The following NRG1 variants were observed in gnomAD, a reference collection of about 807,000 sequenced individuals.
NRG1 encodes the protein pro-neuregulin-1, membrane-bound isoform.
Under a neutral mutation model 63.8 loss-of-function variants are expected in NRG1, and 18 were observed. That is an observed-to-expected ratio of 0.28 (90% CI 0.19 to 0.42). The LOEUF is 0.42. NRG1 is among the 10% of genes least tolerant of loss of function. The pLI is 1.00. For synonymous variants in NRG1, 302 were observed against 301.3 expected, an observed-to-expected ratio of 1.00 and a Z score of -0.02; for missense variants, 762 against 814.7, an observed-to-expected ratio of 0.94 and a Z score of 0.79.
chr8:32,456,855 C>T (rs1821656772), intron 1 of NRG1, among the ~76,000 whole-genome samples: 4 of 151,998 alleles, frequency 2.6e-5, no homozygotes, highest in African/African-American at 9.7e-5. Flanking sequence ...ATCTCCTGGC[C>T]GGGCGTAGAC....
chr8:32,083,388 A>G (rs1177051709), intron 1 of NRG1, among the ~76,000 whole-genome samples: 1 of 152,234 alleles, frequency 6.6e-6, no homozygotes, highest in Non-Finnish European at 1.5e-5. Flanking sequence ...CCAAAGAGTT[A>G]GAGATTGTGT....
chr8:32,706,951 A>C (rs773327487), intron 5 of NRG1, among the ~76,000 whole-genome samples: 5 of 152,102 alleles, frequency 3.3e-5, no homozygotes, highest in Non-Finnish European at 7.4e-5. Context: ...GAGTTAATAT[A>C]ATTCAAATTA....
At chr8:32,703,633 T>G (rs903050671) in intron 5 of NRG1, among the ~76,000 whole-genome samples, 6 of 152,098 alleles carry the variant, frequency 3.9e-5, no homozygotes, top group Non-Finnish European at 8.8e-5. Flanking sequence ...AGAAACCTGT[T>G]GTATTCTTAC....
chr8:32,354,530 T>C (rs1262515919), intron 1 of NRG1, among the ~76,000 whole-genome samples: 1 of 152,070 alleles, frequency 6.6e-6, no homozygotes, highest in Non-Finnish European at 1.5e-5. Flanking sequence ...TAGATGTGTT[T>C]ATTACTGGGA....
chr8:32,467,042 A>C (rs1823156747), intron 1 of NRG1, among the ~76,000 whole-genome samples: 1 of 152,134 alleles, frequency 6.6e-6, no homozygotes, highest in African/African-American at 2.4e-5. Flanking sequence ...TTAGCTTTAC[A>C]ATCCTCCCCT....
chr8:31,685,025 T>A (rs549247245), intron 1 of NRG1, among the ~76,000 whole-genome samples: 1 of 152,198 alleles, frequency 6.6e-6, no homozygotes, highest in Admixed American at 6.6e-5. Context: ...CCTACGTATT[T>A]TCATTCTAAA....
At chr8:32,068,690 G>C (rs1015500740) in intron 1 of NRG1, among the ~76,000 whole-genome samples, 2 of 152,164 alleles carry the variant, frequency 1.3e-5, no homozygotes, top group Non-Finnish European at 1.5e-5. Flanking sequence ...CTGCCCTCAA[G>C]CCCCTTGTTA....
At chr8:31,837,582 C>T (rs2129607211) in intron 1 of NRG1, among the ~76,000 whole-genome samples, 1 of 152,090 alleles carries the variant, frequency 6.6e-6, no homozygotes, top group Non-Finnish European at 1.5e-5. Flanking sequence ...AGTACTAGAA[C>T]TTATTCCTTT....
At position 31,752,949 on chromosome 8, in the gene NRG1, C is replaced by G. The variant is rs16878248; in HGVS notation, c.37+113518C>G. On this transcript the variant is annotated intron_variant, in intron 1 of 10. Coordinates refer to the NRG1 transcript ENST00000519301. Reference sequence around the variant, plus strand: ...AAACCAGTATTCTGATTTGTTGGGCCACCTACTGTGTTTTATTCTTGGCTT... The same window carrying G: ...AAACCAGTATTCTGATTTGTTGGGCGACCTACTGTGTTTTATTCTTGGCTT... 7.9e-3 allele frequency among the ~76,000 whole-genome samples: 1,194 copies of G among 151,972 alleles called. 10 individuals are homozygous for G. Among genetic ancestry groups the G allele is most frequent in the African/African-American group, 0.027 (1,133 of 41,466 alleles).
chr8:31,984,529 C>G (rs1347229628), intron 1 of NRG1, among the ~76,000 whole-genome samples: 1 of 151,986 alleles, frequency 6.6e-6, no homozygotes, highest in Non-Finnish European at 1.5e-5. Flanking sequence ...CAATTTTGGT[C>G]AGGAAATGAG....
chr8:32,199,728 T>G (rs1266854654), intron 1 of NRG1, among the ~76,000 whole-genome samples: 1 of 152,216 alleles, frequency 6.6e-6, no homozygotes, highest in African/African-American at 2.4e-5. Context: ...TACTTAGATA[T>G]TCTTTTATTA....
At chr8:31,972,735 C>T (rs1490731704) in intron 1 of NRG1, among the ~76,000 whole-genome samples, 2 of 152,086 alleles carry the variant, frequency 1.3e-5, no homozygotes, top group African/African-American at 4.8e-5. Context: ...CAAATGAATA[C>T]AGGAATGGAC....
At chr8:32,755,991 C>T (rs1163395496) in intron 8 of NRG1, among the ~76,000 whole-genome samples, 4 of 152,140 alleles carry the variant, frequency 2.6e-5, no homozygotes, top group Non-Finnish European at 5.9e-5. Context: ...ATTCTCTTGC[C>T]TTTGCCTCCG....
At chr8:31,892,784 C>T (rs16878405) in intron 1 of NRG1, among the ~76,000 whole-genome samples, 8,925 of 152,008 alleles carry the variant, frequency 0.059, 323 homozygotes, top group Admixed American at 0.12. Flanking sequence ...CTGTAAAACA[C>T]AAGGCACGTG....
Position 32,406,655 on chromosome 8 carries a change from C to T in NRG1, c.38-189173C>T, listed in dbSNP as rs59782259. Among the ~76,000 whole-genome samples the T allele has an allele frequency of 6.4e-3, 966 of 152,076 alleles. 12 individuals carry two copies. The highest frequency in any genetic ancestry group is 0.022 in the African/African-American group (927 of 41,498). On this transcript the variant is annotated intron_variant, in intron 1 of 10. Transcript: ENST00000519301. ...GGAATCTGATTTTGATGTCTCCTAC[C>T]CAAAGTTTATTCATATTTAATATTA...
intron 1 of NRG1, among the ~76,000 whole-genome samples, chr8:31,947,944 CAAAAAAAAA>C (rs55953491): frequency 1.8e-4 from 6 of 32,956 alleles, no homozygotes; most frequent in African/African-American, 4.3e-4. Flanking sequence ...GACTCCATCT[CAAAAAAAAA>C]AAAAAAAAAA....
At chr8:32,044,913 C>CAAGAAAAAAAAAAA (rs1820706781) in intron 1 of NRG1, among the ~76,000 whole-genome samples, 1 of 57,120 alleles carries the variant, frequency 1.8e-5, no homozygotes, top group East Asian at 3.6e-4. Context: ...TAAAGAAAAG[C>CAAGAAAAAAAAAAA]AAAAAAAAAA....
chr8:32,738,695 C>T (rs1825693613), intron 6 of NRG1, among the ~76,000 whole-genome samples: 1 of 152,218 alleles, frequency 6.6e-6, no homozygotes, highest in Non-Finnish European at 1.5e-5. Context: ...CAGAATTTCA[C>T]AGAGCTTATA....
intron 1 of NRG1, among the ~76,000 whole-genome samples, chr8:32,469,261 A>G (rs2129490231): frequency 6.6e-6 from 1 of 152,338 alleles, no homozygotes; most frequent in Admixed American, 6.5e-5. Context: ...TGTTTAGTAC[A>G]TGTACAGCAG....
Sources: gnomAD v4.1 joint callset for allele counts (sites outside exome capture counted in the v4.1 genomes callset) on GRCh38, gnomAD v4.1.1 for gene constraint, MANE v1.5 for transcripts, NCBI Gene and HGNC (gene_info 2026-07-23, HGNC 2026-07-21) for gene names.